The following WNK1 variants were observed in gnomAD, a reference collection of about 807,000 sequenced individuals.
WNK1 encodes WNK lysine deficient protein kinase 1.
Under a neutral mutation model 222.8 loss-of-function variants are expected in WNK1, and 38 were observed. The observed-to-expected ratio is 0.17, with a 90% confidence interval of 0.13 to 0.22. The LOEUF is 0.22. WNK1 is among the 10% of genes least tolerant of loss of function. The pLI is 1.00. For missense variants in WNK1, 2,348 were observed against 2,918.4 expected, an observed-to-expected ratio of 0.80 and a Z score of 4.50; for synonymous variants, 1,090 against 1,092.9, an observed-to-expected ratio of 1.00 and a Z score of 0.05.
chr12:844,140 AT>A (rs559534552), intron 4 of WNK1, among the ~76,000 whole-genome samples: 1 of 149,272 alleles, frequency 6.7e-6, no homozygotes. Flanking sequence ...ATTTTATTTT[AT>A]TTTTTTTTGA....
At chr12:844,316 G>C (rs1949856339) in intron 4 of WNK1, among the ~76,000 whole-genome samples, 1 of 152,102 alleles carries the variant, frequency 6.6e-6, no homozygotes, top group African/African-American at 2.4e-5. Flanking sequence ...GTATTTTCTG[G>C]TAGAGATGGG....
rs1185992560 is a variant in WNK1, at chr12:854,432, A to C, written c.1312-2729A>C. Among the ~76,000 whole-genome samples, 5 of 132,546 alleles carry C rather than the reference A, an allele frequency of 3.8e-5. No individual in the cohort carries two copies. The Admixed American group carries it at 4.6e-4, about 12-fold the overall frequency. 87.0% of individuals were successfully genotyped at this position (132,546 alleles called of 152,430 possible). A position where few individuals can be genotyped will look rare whatever the true frequency, so the allele number is the denominator to read the frequency against. The stretch of plus-strand genomic sequence containing the variant: ...GAGTGCAGTGGCACTATCTGGGCTC[A>C]CTGCAACCTCTGCCTCCTGGGTTCA... On this transcript the variant is annotated intron_variant, in intron 4 of 27. Transcript: ENST00000315939.
intron 8 of WNK1, among the ~76,000 whole-genome samples, chr12:864,123 T>TCTTTTTTTTC (rs771791273): frequency 6.8e-6 from 1 of 147,216 alleles, no homozygotes; most frequent in African/African-American, 2.5e-5. Context: ...TTTTTTTTTT[T>TCTTTTTTTTC]TTTTGACAGC....
chr12:864,755 A>G (rs1447150242), intron 8 of WNK1, among the ~76,000 whole-genome samples: 2 of 152,218 alleles, frequency 1.3e-5, no homozygotes, highest in African/African-American at 4.8e-5. Context: ...CCAAAGTTGC[A>G]AGCTAATATT....
At chr12:837,335 A>G (rs750088961) in intron 4 of WNK1, among the ~76,000 whole-genome samples, 2 of 152,178 alleles carry the variant, frequency 1.3e-5, no homozygotes, top group African/African-American at 2.4e-5. Context: ...GCACTTTGGG[A>G]GGCTGAGGCA....
chr12:773,301 G>T (rs558381964), intron 1 of WNK1, among the ~76,000 whole-genome samples: 22 of 151,760 alleles, frequency 1.4e-4, no homozygotes, highest in Non-Finnish European at 2.9e-4. Context: ...TTCGTATATT[G>T]ACTAAGCTAT....
At chr12:757,615 C>T (rs1940317826) in intron 1 of WNK1, among the ~76,000 whole-genome samples, 1 of 152,042 alleles carries the variant, frequency 6.6e-6, no homozygotes, top group African/African-American at 2.4e-5. Context: ...ACAAGTAGTG[C>T]ACCTTAATTT....
At chr12:900,751 T>C in intron 26 of WNK1, 81 bp downstream of exon 26, 3 of 1,553,134 alleles carry the variant, frequency 1.9e-6, no homozygotes, top group Non-Finnish European at 1.8e-6. Flanking sequence ...TTAAGGCGGG[T>C]TGGGAGACTA....
chr12:884,722 C>G lies in WNK1; in HGVS notation c.3918C>G (p.Ala1306=), dbSNP rs765145364. Residue 1306 remains alanine, a synonymous_variant, in exon 19 of 28, where the codon GCC becomes GCG. Coordinates refer to ENST00000315939, the MANE Select transcript of WNK1 (RefSeq NM_018979.4). The surrounding 1 kb of genome is among the most constrained non-coding windows in gnomAD (Gnocchi z 5.6). ...HSASSLSLQQ[A]FSELRRAQMT... ...CATCATCCCTTAGTCTACAACAGGC[C>G]TTTTCTGAACTTAGACGTGCCCAAA... The G allele has an allele frequency of 1.9e-6, 3 of 1,614,164 alleles. No individual in the cohort carries two copies. Among genetic ancestry groups the G allele is most frequent in the Admixed American group, 1.7e-5 (1 of 60,022 alleles).
intron 9 of WNK1, among the ~76,000 whole-genome samples, chr12:871,729 C>T (rs370414377): frequency 7.2e-5 from 11 of 151,928 alleles, no homozygotes; most frequent in South Asian, 2.1e-4. Flanking sequence ...CAGCTTTCCA[C>T]GTAGCTGGGA....
intron 16 of WNK1, 98 bp from the exon 17 acceptor site, chr12:883,676 C>T (rs1953386099): frequency 6.3e-7 from 1 of 1,596,296 alleles, no homozygotes. Context: ...CCATGACCGA[C>T]AACAAACTTT....
At chr12:863,887 A>G (rs1951408926) in intron 8 of WNK1, among the ~76,000 whole-genome samples, 1 of 152,198 alleles carries the variant, frequency 6.6e-6, no homozygotes, top group South Asian at 2.1e-4. Context: ...TCAAAACAGG[A>G]ATGAAACTAA....
At chr12:848,000 G>A (rs1264350792) in intron 4 of WNK1, among the ~76,000 whole-genome samples, 1 of 151,804 alleles carries the variant, frequency 6.6e-6, no homozygotes, top group African/African-American at 2.4e-5. Flanking sequence ...TAGAGACGGG[G>A]TTTCACCATG....
chr12:878,366 A>AC lies in WNK1; in HGVS notation c.2373+6dup, dbSNP rs1952812515. The AC allele has an allele frequency of 6.4e-7, 1 of 1,550,814 alleles. No homozygotes were observed. Among genetic ancestry groups the AC allele is most frequent in the Non-Finnish European group, 8.7e-7 (1 of 1,150,276 alleles). On this transcript the variant is annotated splice_donor_region_variant and intron_variant, in intron 10 of 27. Transcript: ENST00000315939. ...CAAGTATCAGCTGGAAAACAGGTAAACTTTTTTTTTTTTTTTAAACAGGTA... is the reference window on the plus strand; with the variant it reads ...CAAGTATCAGCTGGAAAACAGGTAAACCTTTTTTTTTTTTTTTAAACAGGTA...
chr12:878,147 T>C (rs1411059730), intron 9 of WNK1, 65 bp from the exon 10 acceptor site: 12 of 1,605,588 alleles, frequency 7.5e-6, no homozygotes, highest in Middle Eastern at 1.7e-4. Context: ...TAGGTAAACA[T>C]GCTTCCTTAG....
intron 22 of WNK1, among the ~76,000 whole-genome samples, 165 bp downstream of exon 22, chr12:890,678 C>T (rs1026059585): frequency 2.6e-5 from 4 of 152,088 alleles, no homozygotes; most frequent in East Asian, 1.9e-4. Context: ...AAATCTGTTC[C>T]GTTATTATTT....
At chr12:891,037 T>G (rs1954174348) in intron 22 of WNK1, among the ~76,000 whole-genome samples, 1 of 152,170 alleles carries the variant, frequency 6.6e-6, no homozygotes, top group Admixed American at 6.5e-5. Flanking sequence ...TATCAAAATA[T>G]GTAGAGTATC....
At chr12:829,692 G>C (rs1948647178) in intron 3 of WNK1, among the ~76,000 whole-genome samples, 1 of 152,018 alleles carries the variant, frequency 6.6e-6, no homozygotes, top group Admixed American at 6.6e-5. Flanking sequence ...AATTATATTA[G>C]TTTATTATCT....
Position 770,547 on chromosome 12 carries a change from C to T in WNK1, c.759+16223C>T, listed in dbSNP as rs186047078. The stretch of plus-strand genomic sequence containing the variant: ...CTCACATTATGTTTCTGTTAACCAT[C>T]GCTAATTTAGACTATTCTATTAAAA... On this transcript the variant is annotated intron_variant, in intron 1 of 27. Transcript: ENST00000315939. Among the ~76,000 whole-genome samples, 125 of 152,244 alleles carry T rather than the reference C, an allele frequency of 8.2e-4. 1 individual carries two copies. Among genetic ancestry groups the T allele is most frequent in the African/African-American group, 2.9e-3 (120 of 41,552 alleles).
Sources: gnomAD v4.1 joint callset for allele counts (sites outside exome capture counted in the v4.1 genomes callset) on GRCh38, gnomAD v4.1.1 for gene constraint, Gnocchi (gnomAD v3.1) non-coding constraint, MANE v1.5 for transcripts, NCBI Gene and HGNC (gene_info 2026-07-23, HGNC 2026-07-21) for gene names.